The following IMMP2L variants were observed in gnomAD, a reference collection of about 807,000 sequenced individuals.
IMMP2L encodes mitochondrial inner membrane protease subunit 2.
IMMP2L carries 18 observed loss-of-function variants against 19.3 expected under a neutral mutation model. The observed-to-expected ratio is 0.93, with a 90% confidence interval of 0.64 to 1.38. IMMP2L has a LOEUF of 1.38. IMMP2L is among the 40% of genes most tolerant of loss of function. The probability of loss-of-function intolerance (pLI) is 0.00; values close to 1 mark genes in which losing one functional copy is unlikely to be tolerated. For missense variants in IMMP2L, 233 were observed against 218.2 expected, an observed-to-expected ratio of 1.07 and a Z score of -0.43; for synonymous variants, 76 against 73.0, an observed-to-expected ratio of 1.04 and a Z score of -0.21.
At chr7:111,091,715 T>C (rs978718745) in intron 3 of IMMP2L, among the ~76,000 whole-genome samples, 1 of 152,012 alleles carries the variant, frequency 6.6e-6, no homozygotes, top group Non-Finnish European at 1.5e-5. Flanking sequence ...TTCTCCAACA[T>C]GCATTTTACT....
intron 3 of IMMP2L, among the ~76,000 whole-genome samples, chr7:110,992,245 T>C (rs1822558833): frequency 6.6e-6 from 1 of 152,078 alleles, no homozygotes; most frequent in Admixed American, 6.6e-5. Context: ...TAATTAGAAA[T>C]TGCAATAGCT....
chr7:110,704,545 A>C (rs775453762), intron 5 of IMMP2L, among the ~76,000 whole-genome samples: 4 of 152,258 alleles, frequency 2.6e-5, no homozygotes, highest in Admixed American at 6.5e-5. Context: ...GTGCTGCCTC[A>C]AACTGCCCTA....
At chr7:111,114,250 T>A (rs1316488194) in intron 3 of IMMP2L, among the ~76,000 whole-genome samples, 2 of 152,188 alleles carry the variant, frequency 1.3e-5, no homozygotes, top group African/African-American at 4.8e-5. Flanking sequence ...AAATTTTTCA[T>A]GAATTTGTAC....
At chr7:110,843,287 C>CA (rs34572198) in intron 5 of IMMP2L, among the ~76,000 whole-genome samples, 1 of 151,754 alleles carries the variant, frequency 6.6e-6, no homozygotes. Flanking sequence ...ACTTTGTTGG[C>CA]AAAAAAAGAT....
At chr7:111,408,223 G>A (rs770312296) in intron 3 of IMMP2L, among the ~76,000 whole-genome samples, 4 of 149,412 alleles carry the variant, frequency 2.7e-5, no homozygotes, top group Non-Finnish European at 5.9e-5. Context: ...TCCAATAAGT[G>A]ACCAACTTGC....
chr7:111,456,379 T>C (rs963384976), intron 3 of IMMP2L, among the ~76,000 whole-genome samples: 4 of 151,932 alleles, frequency 2.6e-5, no homozygotes, highest in African/African-American at 9.7e-5. Flanking sequence ...CTGACATTCC[T>C]TTCCTCTCTT....
In IMMP2L at chr7:111,123,262, C is replaced by T. The variant is rs1369752568; in HGVS notation, c.240-159697G>A. 7 of 1,613,762 alleles carry T rather than the reference C, an allele frequency of 4.3e-6. No homozygotes were observed. The highest frequency in any genetic ancestry group is 5.9e-6 in the Non-Finnish European group (7 of 1,179,944). On this transcript the variant is annotated intron_variant, in intron 3 of 5. Coordinates refer to ENST00000405709, the MANE Select transcript of IMMP2L (RefSeq NM_032549.4). The surrounding 1 kb of genome is among the most constrained non-coding windows in gnomAD (Gnocchi z 6.4). ...TTCACCTGGAGCCTTTATTGGCCTA[C>T]ATAATCTTCTTCGACTTCATCTCAA...
intron 4 of IMMP2L, among the ~76,000 whole-genome samples, chr7:110,949,444 G>C (rs1021128767): frequency 1.3e-5 from 2 of 152,044 alleles, no homozygotes; most frequent in Non-Finnish European, 2.9e-5. Context: ...TGTTGGCCAA[G>C]ACTAAAAATA....
chr7:110,771,949 C>T (rs954347089), intron 5 of IMMP2L, among the ~76,000 whole-genome samples: 9 of 152,116 alleles, frequency 5.9e-5, no homozygotes, highest in African/African-American at 2.2e-4. Flanking sequence ...GCCAGACTTC[C>T]TCTATGGTAT....
chr7:111,007,590 T>C, intron 3 of IMMP2L, among the ~76,000 whole-genome samples: 1 of 152,118 alleles, frequency 6.6e-6, no homozygotes, highest in South Asian at 2.1e-4. Context: ...CTTTTTTTCA[T>C]GTACACTCAC....
chr7:111,348,324 A>T (rs1827785428), intron 3 of IMMP2L, among the ~76,000 whole-genome samples: 1 of 152,094 alleles, frequency 6.6e-6, no homozygotes, highest in Admixed American at 6.6e-5. Context: ...ATGAAGATGA[A>T]ATACTTCTAA....
At chr7:111,150,879 T>A (rs1267614824) in intron 3 of IMMP2L, among the ~76,000 whole-genome samples, 2 of 152,208 alleles carry the variant, frequency 1.3e-5, no homozygotes, top group Non-Finnish European at 1.5e-5. Flanking sequence ...GGCTTCCATA[T>A]AACCAACTGT....
intron 3 of IMMP2L, among the ~76,000 whole-genome samples, chr7:111,164,035 A>G (rs1805551929): frequency 6.6e-6 from 1 of 151,726 alleles, no homozygotes; most frequent in South Asian, 2.1e-4. Flanking sequence ...TAGAGGATTA[A>G]AAACAGAACA....
chr7:111,295,962 A>G (rs1178110752), intron 3 of IMMP2L, among the ~76,000 whole-genome samples: 1 of 146,050 alleles, frequency 6.8e-6, no homozygotes, highest in Non-Finnish European at 1.5e-5. Context: ...TCTGAGTAGG[A>G]AAGGATTTAT....
intron 3 of IMMP2L, among the ~76,000 whole-genome samples, chr7:111,393,414 C>A (rs1472580305): frequency 6.6e-6 from 1 of 152,162 alleles, no homozygotes; most frequent in East Asian, 1.9e-4. Context: ...TGTCCCATTT[C>A]TCTTTCCCTT....
At chr7:111,154,519 T>C (rs1804422923) in intron 3 of IMMP2L, among the ~76,000 whole-genome samples, 1 of 152,116 alleles carries the variant, frequency 6.6e-6, no homozygotes, top group African/African-American at 2.4e-5. Flanking sequence ...ATTGTTATAT[T>C]AGACTTTCAA....
chr7:111,130,295 T>C (rs1801723497), intron 3 of IMMP2L, among the ~76,000 whole-genome samples: 1 of 152,158 alleles, frequency 6.6e-6, no homozygotes, highest in Non-Finnish European at 1.5e-5. Context: ...TTCAAAATTA[T>C]TGAGAAGTGG....
At chr7:111,219,008 G>T (rs968803388) in intron 3 of IMMP2L, among the ~76,000 whole-genome samples, 2 of 151,934 alleles carry the variant, frequency 1.3e-5, no homozygotes, top group African/African-American at 4.8e-5. Flanking sequence ...CATCTATGTT[G>T]AGCCACTAAA....
chr7:110,702,623 T>C (rs568424891), intron 5 of IMMP2L, among the ~76,000 whole-genome samples: 74 of 152,290 alleles, frequency 4.9e-4, no homozygotes, highest in African/African-American at 1.7e-3. Context: ...TCAGAATGTA[T>C]TGCACATATT....
Sources: allele counts gnomAD v4.1 joint callset (sites outside exome capture counted in the v4.1 genomes callset), GRCh38; gene constraint gnomAD v4.1.1; non-coding constraint Gnocchi (gnomAD v3.1); transcripts MANE v1.5; gene names NCBI Gene and HGNC (gene_info 2026-07-23, HGNC 2026-07-21).